CHRM1: variants seen among roughly 807,000 people sequenced by gnomAD.
CHRM1 encodes the protein muscarinic acetylcholine receptor M1.
A neutral mutation model predicts 31.6 loss-of-function variants in CHRM1; 5 were observed. The observed-to-expected ratio is 0.16, with a 90% CI of 0.08 to 0.33. The LOEUF is 0.33. Among genes scored for constraint, CHRM1 ranks in the 10% least tolerant of loss-of-function variants. CHRM1 has a pLI of 1.00. For synonymous variants in CHRM1, 227 were observed against 249.7 expected (o/e 0.91, Z 0.86); for missense variants, 338 against 610.3 (o/e 0.55, Z 4.70).
At position 62,910,560 on chromosome 11, in the gene CHRM1, G is replaced by A; in HGVS notation, c.541C>T (p.Gln181Ter). ...GTGATGATGGGCTGGGAGAGGAACTGGATGTAGCACTGCCCAGCTAGCACT... is the reference window on the plus strand; with the variant it reads ...GTGATGATGGGCTGGGAGAGGAACTAGATGTAGCACTGCCCAGCTAGCACT... Reference protein sequence around the residue: ...RTVLAGQCYIQFLSQPIITFG... With the variant: ...RTVLAGQCYI The change falls in exon 2 of 2, where the codon CAG becomes TAG. Residue 181 changes from glutamine to a stop codon, truncating the protein, a stop_gained. Coordinates refer to ENST00000306960, the MANE Select transcript of CHRM1 (RefSeq NM_000738.3). LOFTEE classifies it high-confidence loss of function. The surrounding 1 kb of genome is among the most constrained non-coding windows in gnomAD (Gnocchi z 8.7). 6.2e-7 allele frequency: 1 copy of A among 1,614,202 alleles called. No homozygotes were observed. Among genetic ancestry groups the A allele is most frequent in the Non-Finnish European group, 8.5e-7 (1 of 1,180,030 alleles).
chr11:62,911,147 G>T lies in CHRM1; in HGVS notation c.-47C>A. ...TTGGAGAGCCCCTTCCTCCAGGCAC[G>T]CTACAGGGCTTCCTCAGGGGAAAGT... On this transcript the variant is annotated 5_prime_UTR_variant, in exon 2 of 2. Transcript: ENST00000306960. 6.4e-7 allele frequency: 1 copy of T among 1,562,620 alleles called. No individual in the cohort carries two copies. The highest frequency in any genetic ancestry group is 8.7e-7 in the Non-Finnish European group (1 of 1,146,662).
rs144473274 is a variant in CHRM1, at chr11:62,911,114, G to A, written c.-14C>T. On this transcript the variant is annotated 5_prime_UTR_variant, in exon 2 of 2. Coordinates refer to ENST00000306960, the MANE Select transcript of CHRM1 (RefSeq NM_000738.3). The stretch of plus-strand genomic sequence containing the variant: ...TGAAGTGTTCATGGTGGCTAGGTGG[G>A]GCTGGGGTTGGAGAGCCCCTTCCTC... The A allele has an allele frequency of 1.9e-3, 3,010 of 1,610,046 alleles. 7 individuals carry two copies. The highest frequency in any genetic ancestry group is 6.6e-3 in the South Asian group (596 of 90,548).
At position 62,912,270 on chromosome 11, in the gene CHRM1, A is replaced by T. The variant is rs538344114; in HGVS notation, c.-78-1092T>A. Among the ~76,000 whole-genome samples, 5 of 149,110 alleles carry T rather than the reference A, an allele frequency of 3.4e-5. No individual in the cohort carries two copies. In the South Asian group the frequency reaches 1.1e-3, roughly 33 times the overall value. ...GTAGCCCCAGCTACTTGGGAGACTGAGGCAGGAGAATCGTTTGAACCTGGG... is the reference window on the plus strand; with the variant it reads ...GTAGCCCCAGCTACTTGGGAGACTGTGGCAGGAGAATCGTTTGAACCTGGG... On this transcript the variant is annotated intron_variant, in intron 1 of 1. Coordinates refer to ENST00000306960, the MANE Select transcript of CHRM1 (RefSeq NM_000738.3).
intron 1 of CHRM1, chr11:62,920,639 C>A (rs954168529): frequency 1.3e-5 from 2 of 152,182 alleles, no homozygotes; most frequent in African/African-American, 4.8e-5. Context: ...GGCTCTTTGC[C>A]TGGTCTCCTG....
At chr11:62,920,258 T>C (rs1340868276) in intron 1 of CHRM1, among the ~76,000 whole-genome samples, 1 of 152,162 alleles carries the variant, frequency 6.6e-6, no homozygotes, top group Non-Finnish European at 1.5e-5. Context: ...AGGTGTGTTT[T>C]GTGCAAAGAT....
chr11:62,918,631 T>C (rs1369602639), intron 1 of CHRM1, among the ~76,000 whole-genome samples: 1 of 152,142 alleles, frequency 6.6e-6, no homozygotes, highest in Non-Finnish European at 1.5e-5. Flanking sequence ...AGGACAGACA[T>C]GGACGTGCCA....
At chr11:62,915,044 G>A (rs1054070248) in intron 1 of CHRM1, among the ~76,000 whole-genome samples, 2 of 151,824 alleles carry the variant, frequency 1.3e-5, no homozygotes, top group African/African-American at 2.4e-5. Context: ...GCATGGTGGC[G>A]GGCACCTATG....
At chr11:62,915,747 G>A (rs757408672) in intron 1 of CHRM1, among the ~76,000 whole-genome samples, 10 of 152,152 alleles carry the variant, frequency 6.6e-5, no homozygotes, top group East Asian at 1.9e-4. Flanking sequence ...GGATGATACC[G>A]TTCAGAGTGC....
rs757033520 is a variant in CHRM1 at position 62,909,755 on chromosome 11, G to A, written c.1346C>T (p.Pro449Leu). The change falls in exon 2 of 2, where the codon CCT (proline) becomes CTT (leucine). Residue 449 changes from proline (P) to leucine (L), a missense_variant. By Grantham distance (98) the Pro-to-Leu change is moderately conservative. Transcript: ENST00000306960. ...KRRWRKIPKR[P>L]GSVHRTPSRQ... ...GGAGGGAGTGCGGTGCACGGAGCCAGGGCGCTTGGGGATCTTGCGCCAGCG... is the reference window on the plus strand; with the variant it reads ...GGAGGGAGTGCGGTGCACGGAGCCAAGGCGCTTGGGGATCTTGCGCCAGCG... 6.2e-7 allele frequency: 1 copy of A among 1,614,136 alleles called. No individual in the cohort carries two copies. Among genetic ancestry groups the A allele is most frequent in the Non-Finnish European group, 8.5e-7 (1 of 1,179,940 alleles).
In CHRM1 at chr11:62,910,319, C is replaced by T. The variant is rs756528929; in HGVS notation, c.782G>A (p.Arg261His). Reference protein sequence around the residue: ...SPETPPGRCCRCCRAPRLLQA... With the variant: ...SPETPPGRCCHCCRAPRLLQA... ...CAGCAGCCTGGGGGCCCGGCAGCAG[C>T]GACAGCAGCGGCCTGGAGGAGTCTC... is the stretch of plus-strand genomic sequence containing the variant. Residue 261 changes from arginine to histidine, a missense_variant, in exon 2 of 2, where the codon CGC (arginine) becomes CAC (histidine). This residue lies in a region of CHRM1 where 183 missense variants were observed against 223.4 expected (regional missense o/e 0.82). Coordinates refer to ENST00000306960, the MANE Select transcript of CHRM1 (RefSeq NM_000738.3). The surrounding 1 kb of genome is among the most constrained non-coding windows in gnomAD (Gnocchi z 8.7). 35 of 1,610,902 alleles carry T rather than the reference C, an allele frequency of 2.2e-5. No homozygotes were observed. The highest frequency in any genetic ancestry group is 1.3e-4 in the African/African-American group (10 of 74,942).
chr11:62,919,543 C>T (rs1273899306), intron 1 of CHRM1, among the ~76,000 whole-genome samples: 2 of 152,192 alleles, frequency 1.3e-5, no homozygotes, highest in Admixed American at 1.3e-4. Context: ...CCTCATCCTC[C>T]TCTCCGCAAG....
chr11:62,910,411 C>A lies in CHRM1; in HGVS notation c.690G>T (p.Thr230=), dbSNP rs144107564. ...TGCTGCTGCCACCCCCTTTGCCTGG[C>A]GTCTCGGAGCCCTGAAGGGCTGCCA... ...RELAALQGSE[T]PGKGGGSSSS... The change falls in exon 2 of 2, where the codon ACG becomes ACT. Residue 230 remains threonine, a synonymous_variant. Transcript: ENST00000306960. The surrounding 1 kb of genome is among the most constrained non-coding windows in gnomAD (Gnocchi z 8.7). 6.2e-7 allele frequency: 1 copy of A among 1,612,396 alleles called. No homozygotes were observed.
intron 1 of CHRM1, among the ~76,000 whole-genome samples, chr11:62,916,253 T>G (rs2085899813): frequency 6.6e-6 from 1 of 152,186 alleles, no homozygotes; most frequent in African/African-American, 2.4e-5. Flanking sequence ...GCCTGGTGTC[T>G]GGGGAGATTT....
In CHRM1 at chr11:62,909,709, A is replaced by AG; in HGVS notation, c.*8dup. The AG allele has an allele frequency of 6.2e-7, 1 of 1,612,652 alleles. No homozygotes were observed. Among genetic ancestry groups the AG allele is most frequent in the Non-Finnish European group, 8.5e-7 (1 of 1,179,196 alleles). On this transcript the variant is annotated 3_prime_UTR_variant, in exon 2 of 2. Transcript: ENST00000306960. ...GGACTGGGGTGGAGGGATGCAGGAG[A>AG]GGGGACTATCAGCATTGGCGGGAGG...
At chr11:62,920,511 C>T (rs1354817192) in intron 1 of CHRM1, among the ~76,000 whole-genome samples, 1 of 152,126 alleles carries the variant, frequency 6.6e-6, no homozygotes, top group African/African-American at 2.4e-5. Flanking sequence ...ACCCACCCTG[C>T]GGGAGCCCAA....
At position 62,921,049 on chromosome 11, in the gene CHRM1, A is replaced by G. The variant is rs1452969805; in HGVS notation, c.-79+169T>C. Among the ~76,000 whole-genome samples the G allele has an allele frequency of 2.6e-5, 4 of 152,124 alleles. No homozygotes were observed. In the East Asian group the frequency reaches 5.8e-4, roughly 22 times the overall value. On this transcript the variant is annotated intron_variant, in intron 1 of 1. Transcript: ENST00000306960. ...CGAGTGTTTGGAGCAGTCAGTGTTCAATGCTACAGAGCCCCCTTGCCCTCT... is the reference window on the plus strand; with the variant it reads ...CGAGTGTTTGGAGCAGTCAGTGTTCGATGCTACAGAGCCCCCTTGCCCTCT...
chr11:62,909,608 G>T lies in CHRM1; in HGVS notation c.*110C>A. The T allele has an allele frequency of 7.3e-7, 1 of 1,365,890 alleles. No homozygotes were observed. The highest frequency in any genetic ancestry group is 1.4e-5 in the African/African-American group (1 of 68,968). The allele number at this position is 1,365,890 out of a possible 1,614,324, so 84.6% of individuals were successfully genotyped here. On this transcript the variant is annotated 3_prime_UTR_variant, in exon 2 of 2. Transcript: ENST00000306960. Reference sequence around the variant, plus strand: ...CCAGGAAGGTGACCCAGGGTCCTGGGAAGCCAGGTGAGGCCTGAGCAGGGC... The same window carrying T: ...CCAGGAAGGTGACCCAGGGTCCTGGTAAGCCAGGTGAGGCCTGAGCAGGGC...
Position 62,909,859 on chromosome 11 carries a change from G to A in CHRM1, c.1242C>T (p.Asn414=), listed in dbSNP as rs1565264237. Residue 414 remains asparagine (N), a synonymous_variant, in exon 2 of 2, where the codon AAC becomes AAT. Coordinates refer to ENST00000306960, the MANE Select transcript of CHRM1 (RefSeq NM_000738.3). ...YWLCYVNSTI[N]PMCYALCNKA... ...TGTTGCAGAGTGCGTAGCACATGGG[G>A]TTGATGGTGCTGTTGACGTAGCACA... 1.9e-6 allele frequency: 3 copies of A among 1,614,250 alleles called. No individual in the cohort carries two copies. The highest frequency in any genetic ancestry group is 2.5e-6 in the Non-Finnish European group (3 of 1,180,036).
In CHRM1 at chr11:62,909,794, C is replaced by T. The variant is rs369705923; in HGVS notation, c.1307G>A (p.Arg436His). Residue 436 changes from arginine to histidine, a missense_variant, in exon 2 of 2, where the codon CGC (arginine) becomes CAC (histidine). Coordinates refer to ENST00000306960, the MANE Select transcript of CHRM1 (RefSeq NM_000738.3). ...RDTFRLLLLC[R>H]WDKRRWRKIP... is the part of the protein sequence containing the mutation. ...CTTGCGCCAGCGTCTCTTGTCCCAG[C>T]GGCAAAGCAGCAGCAGGCGAAAGGT... 13 of 1,614,128 alleles carry T rather than the reference C, an allele frequency of 8.1e-6. No homozygotes were observed. Among genetic ancestry groups the T allele is most frequent in the South Asian group, 2.2e-5 (2 of 91,096 alleles).
Sources: gnomAD v4.1 joint callset for allele counts (sites outside exome capture counted in the v4.1 genomes callset) on GRCh38, gnomAD v4.1.1 for gene constraint, gnomAD v4.1.1 regional missense constraint, Gnocchi (gnomAD v3.1) non-coding constraint, MANE v1.5 for transcripts, NCBI Gene and HGNC (gene_info 2026-07-23, HGNC 2026-07-21) for gene names.